The following AFF2 variants were observed in gnomAD, a reference collection of about 807,000 sequenced individuals.
AFF2 encodes the protein AF4/FMR2 family member 2.
In AFF2, 14 loss-of-function variants were observed where a neutral mutation model predicts 76.9. The ratio of observed to expected loss-of-function variants is 0.18; its 90% CI spans 0.12 to 0.28. AFF2 has a LOEUF of 0.28. AFF2 is among the 10% of genes least tolerant of loss of function. The pLI, the probability that AFF2 is intolerant of heterozygous loss-of-function variation, is 1.00. For synonymous variants in AFF2, 398 were observed against 366.7 expected, an observed-to-expected ratio of 1.09 and a Z score of -0.98; for missense variants, 868 against 1,001.1, an observed-to-expected ratio of 0.87 and a Z score of 1.79.
intron 1 of AFF2, among the ~76,000 whole-genome samples, chrX:148,576,816 T>A (rs1326654990): frequency 9.1e-6 from 1 of 110,015 alleles, no homozygotes; most frequent in Non-Finnish European, 1.9e-5. Context: ...TGTGTGTGTG[T>A]GAGACAGAGA....
intron 3 of AFF2, among the ~76,000 whole-genome samples, chrX:148,770,825 T>C (rs782650419): frequency 2.3e-4 from 26 of 112,176 alleles, no homozygotes; most frequent in African/African-American, 8.4e-4. Flanking sequence ...GGAGTATTGG[T>C]GCAGAAAAGA....
intron 3 of AFF2, among the ~76,000 whole-genome samples, chrX:148,742,829 C>CT (rs1569554694): frequency 8.9e-6 from 1 of 112,146 alleles, no homozygotes; most frequent in East Asian, 2.8e-4. Flanking sequence ...ATCAGTCCAT[C>CT]TTTCTGCAAT....
rs189749597 is a variant in AFF2, at chrX:148,599,623, G to A, written c.48-52376G>A. ...GTCTGCTGGTCTCTCAGCTTATCTC[G>A]GGTTCACAGCAGCACTCAAGCTTAC... is the stretch of plus-strand genomic sequence containing the variant. On this transcript the variant is annotated intron_variant, in intron 1 of 20. Coordinates refer to ENST00000370460, the MANE Select transcript of AFF2 (RefSeq NM_002025.4). 1.9e-3 allele frequency among the ~76,000 whole-genome samples: 210 copies of A among 111,442 alleles called. 2 individuals are homozygous for A. The highest frequency in any genetic ancestry group is 6.4e-3 in the African/African-American group (198 of 30,711).
chrX:148,709,970 T>C (rs1222817595), intron 3 of AFF2, among the ~76,000 whole-genome samples: 1 of 111,434 alleles, frequency 9.0e-6, no homozygotes, highest in Non-Finnish European at 1.9e-5. Context: ...TAAGAATAGG[T>C]TCATGACCTA....
Position 148,880,659 on chromosome X carries a change from C to T in AFF2, c.1263-5230C>T, listed in dbSNP as rs971290222. The stretch of plus-strand genomic sequence containing the variant: ...GACAATGATAATTTAAACCAGTAAC[C>T]GGAAGACCCCAAACTCACTGGGCCA... On this transcript the variant is annotated intron_variant, in intron 7 of 20. Transcript: ENST00000370460. 4.5e-5 allele frequency among the ~76,000 whole-genome samples: 5 copies of T among 111,562 alleles called. No homozygotes were observed. In the East Asian group the frequency reaches 8.5e-4, roughly 19 times the overall value.
intron 11 of AFF2, among the ~76,000 whole-genome samples, chrX:148,957,973 A>G (rs2072061547): frequency 8.9e-6 from 1 of 112,438 alleles, no homozygotes; most frequent in Non-Finnish European, 1.9e-5. Context: ...TGTCACATTC[A>G]AGTTACAATG....
At chrX:148,888,212 C>T (rs1466313727) in intron 8 of AFF2, among the ~76,000 whole-genome samples, 3 of 110,346 alleles carry the variant, frequency 2.7e-5, no homozygotes, top group African/African-American at 9.9e-5. Flanking sequence ...ACCCCGACAA[C>T]TGCTAATCTA....
chrX:148,578,743 G>A (rs1335198767), intron 1 of AFF2, among the ~76,000 whole-genome samples: 2 of 111,990 alleles, frequency 1.8e-5, no homozygotes, highest in Non-Finnish European at 3.8e-5. Context: ...TATCTGTCAT[G>A]TAACTAGCAC....
chrX:148,650,572 T>C (rs1236069244), intron 1 of AFF2, among the ~76,000 whole-genome samples: 2 of 112,419 alleles, frequency 1.8e-5, no homozygotes, highest in Admixed American at 1.9e-4. Flanking sequence ...TTAAACATCC[T>C]ATAAATGTTG....
chrX:148,515,292 T>TA (rs1468893824), intron 1 of AFF2, among the ~76,000 whole-genome samples: 1 of 112,180 alleles, frequency 8.9e-6, no homozygotes, highest in Non-Finnish European at 1.9e-5. Flanking sequence ...AACCATCATT[T>TA]AAAAAAATCC....
chrX:148,652,166 GTTA>G, intron 2 of AFF2, 35 bp downstream of exon 2: 1 of 1,105,072 alleles, frequency 9.0e-7, no homozygotes, highest in Non-Finnish European at 1.2e-6. Flanking sequence ...ATGGTTGCTT[GTTA>G]CATTTTTGAA....
chrX:148,856,282 T>A lies in AFF2; in HGVS notation c.1262+12849T>A, dbSNP rs187956847. On this transcript the variant is annotated intron_variant, in intron 7 of 20. Transcript: ENST00000370460. Reference sequence around the variant, plus strand: ...TTCTAAAAATAAAAGCTAGGACTTATTAAGTGCCAAGCACTATGCTGAGTG... The same window carrying A: ...TTCTAAAAATAAAAGCTAGGACTTAATAAGTGCCAAGCACTATGCTGAGTG... 3.6e-5 allele frequency among the ~76,000 whole-genome samples: 4 copies of A among 112,491 alleles called. No individual in the cohort carries two copies. In the East Asian group the frequency reaches 1.1e-3, roughly 32 times the overall value.
At chrX:148,525,292 C>A (rs2052646384) in intron 1 of AFF2, among the ~76,000 whole-genome samples, 1 of 111,170 alleles carries the variant, frequency 9.0e-6, no homozygotes. Context: ...CATTTAAAGT[C>A]TAAACTCCAG....
At chrX:148,504,860 C>G (rs782661474) in intron 1 of AFF2, among the ~76,000 whole-genome samples, 1 of 111,012 alleles carries the variant, frequency 9.0e-6, no homozygotes, top group East Asian at 2.9e-4. Flanking sequence ...ACAGGTCTTC[C>G]GAGGCCTCGT....
At chrX:148,650,186 G>A (rs782226297) in intron 1 of AFF2, among the ~76,000 whole-genome samples, 1 of 110,979 alleles carries the variant, frequency 9.0e-6, no homozygotes, top group Non-Finnish European at 1.9e-5. Flanking sequence ...GGTCACAAGC[G>A]CCACACTTAA....
intron 1 of AFF2, among the ~76,000 whole-genome samples, chrX:148,603,392 A>G (rs1430647346): frequency 2.7e-5 from 3 of 110,525 alleles, no homozygotes; most frequent in Non-Finnish European, 5.7e-5. Context: ...ATTTTCTCCT[A>G]TATTGGTATC....
intron 2 of AFF2, 63 bp downstream of exon 2, chrX:148,652,194 T>C: frequency 3.4e-6 from 3 of 894,739 alleles, no homozygotes; most frequent in Non-Finnish European, 4.8e-6. Context: ...CTAATCAACA[T>C]TTAATTTATG....
At chrX:148,837,619 A>G (rs1448130790) in intron 4 of AFF2, 28 bp from the exon 5 acceptor site, 1 of 975,017 alleles carries the variant, frequency 1.0e-6, no homozygotes, top group Non-Finnish European at 1.5e-6. Flanking sequence ...TTGCCCTGAA[A>G]TAAAGTTTCT....
intron 1 of AFF2, among the ~76,000 whole-genome samples, chrX:148,516,821 A>C (rs782372399): frequency 9.0e-6 from 1 of 111,598 alleles, no homozygotes; most frequent in Non-Finnish European, 1.9e-5. Flanking sequence ...CCCTCTGAAC[A>C]AGCTACTACT....
Sources: gnomAD v4.1 joint callset for allele counts (sites outside exome capture counted in the v4.1 genomes callset) on GRCh38, gnomAD v4.1.1 for gene constraint, MANE v1.5 for transcripts, NCBI Gene and HGNC (gene_info 2026-07-23, HGNC 2026-07-21) for gene names.